Variants in CTBP2 observed in about 807,000 individuals in gnomAD.
CTBP2 encodes the protein C-terminal binding protein 2.
In CTBP2, 30 loss-of-function variants were observed where a neutral mutation model predicts 80.3. The ratio of observed to expected loss-of-function variants is 0.37; its 90% CI spans 0.28 to 0.51. CTBP2 has a LOEUF of 0.51. Ranked by LOEUF, CTBP2 falls within the 20% of genes least tolerant of loss-of-function variation. The pLI, the probability that CTBP2 is intolerant of heterozygous loss-of-function variation, is 0.93. For missense variants in CTBP2, 1,212 were observed against 1,375.3 expected (o/e 0.88, Z 1.88); for synonymous variants, 594 against 587.4 (o/e 1.01, Z -0.16).
rs1229671720 is a variant in CTBP2, at chr10:125,066,414, T to C, written c.-101-27259A>G. On this transcript the variant is annotated intron_variant, in intron 2 of 10. Coordinates refer to the CTBP2 transcript ENST00000337195. This position sits in a 1 kb window ranked among gnomAD's most constrained non-coding sequence, Gnocchi z 4.1. ...AGTCAGGTGCATGCACCATGCTAGG[T>C]GAGTGCAGGGCAGGAACGGAAGGCA... Among the ~76,000 whole-genome samples the C allele has an allele frequency of 1.3e-5, 2 of 151,698 alleles. No homozygotes were observed.
At chr10:125,035,785 C>T (rs976986530) in intron 3 of CTBP2, among the ~76,000 whole-genome samples, 2 of 152,182 alleles carry the variant, frequency 1.3e-5, no homozygotes, top group South Asian at 4.1e-4. Context: ...TAAAACCCTC[C>T]AGCTGGTGCA....
intron 2 of CTBP2, among the ~76,000 whole-genome samples, chr10:125,064,495 C>T (rs1844329079): frequency 6.6e-6 from 1 of 152,104 alleles, no homozygotes; most frequent in African/African-American, 2.4e-5. Context: ...AATAGCAGTT[C>T]TACTTCTCAA....
At chr10:125,158,414 C>T (rs889330778) in intron 1 of CTBP2, among the ~76,000 whole-genome samples, 8 of 152,128 alleles carry the variant, frequency 5.3e-5, no homozygotes, top group African/African-American at 1.9e-4. Flanking sequence ...AATATAACGT[C>T]CCCTCAAAAT....
intron 2 of CTBP2, among the ~76,000 whole-genome samples, chr10:125,097,892 G>A (rs577370512): frequency 6.6e-6 from 1 of 152,240 alleles, no homozygotes; most frequent in African/African-American, 2.4e-5. Flanking sequence ...CAAGGCAGGT[G>A]GATCATGCAG....
intron 1 of CTBP2, among the ~76,000 whole-genome samples, chr10:125,130,894 C>T (rs1410393728): frequency 6.6e-6 from 1 of 152,210 alleles, no homozygotes; most frequent in Non-Finnish European, 1.5e-5. Context: ...AAAGGGCTCG[C>T]TGTCCAAGCT....
chr10:125,144,908 G>T (rs1298300777), intron 1 of CTBP2, among the ~76,000 whole-genome samples: 1 of 152,158 alleles, frequency 6.6e-6, no homozygotes, highest in Non-Finnish European at 1.5e-5. Context: ...ACTGCTGCCC[G>T]GTCAAGAGTG....
At chr10:125,090,283 C>T (rs1169656089) in intron 2 of CTBP2, among the ~76,000 whole-genome samples, 2 of 63,912 alleles carry the variant, frequency 3.1e-5, no homozygotes, top group East Asian at 2.1e-4. Flanking sequence ...GAGTCCCTGG[C>T]TCAAAAAAAA....
chr10:125,027,196 C>T lies in CTBP2; in HGVS notation c.564G>A (p.Arg188=). 1 of 1,609,366 alleles carries T rather than the reference C, an allele frequency of 6.2e-7. No individual in the cohort carries two copies. The highest frequency in any genetic ancestry group is 8.5e-7 in the Non-Finnish European group (1 of 1,176,622). Residue 188 remains arginine, a synonymous_variant, in exon 1 of 9, where the codon CGG becomes CGA. Coordinates refer to ENST00000309035, the MANE Select transcript of CTBP2 (RefSeq NM_022802.3). ...TGGTGTCGGGCTGCTCCCGTCCATA[C>T]CGCCCGGGAGATGCAGCCCTGCTCT...
intron 2 of CTBP2, among the ~76,000 whole-genome samples, chr10:125,062,925 C>T (rs1844035141): frequency 6.6e-6 from 1 of 152,186 alleles, no homozygotes. Flanking sequence ...TGCTGTGCAC[C>T]CGTTTTCCTA....
At chr10:125,059,123 A>G in intron 2 of CTBP2, among the ~76,000 whole-genome samples, 1 of 152,102 alleles carries the variant, frequency 6.6e-6, no homozygotes, top group East Asian at 1.9e-4. Flanking sequence ...TGCTGGTGCT[A>G]AACAAAGTGT....
At chr10:124,993,369 C>A in intron 6 of CTBP2, 40 bp from the exon 9 acceptor site, 1 of 1,585,568 alleles carries the variant, frequency 6.3e-7, no homozygotes, top group South Asian at 1.1e-5. Context: ...CGGGAAATGT[C>A]GCATACGCTC....
At chr10:125,006,688 C>T (rs1171853500) in intron 1 of CTBP2, among the ~76,000 whole-genome samples, 1 of 152,186 alleles carries the variant, frequency 6.6e-6, no homozygotes, top group Non-Finnish European at 1.5e-5. Flanking sequence ...ACCATTTGAG[C>T]AAGTTTTTAA....
intron 1 of CTBP2, among the ~76,000 whole-genome samples, chr10:125,019,368 C>T (rs1238812015): frequency 6.6e-6 from 1 of 152,086 alleles, no homozygotes; most frequent in Non-Finnish European, 1.5e-5. Context: ...AGCAAGGAAT[C>T]TGTGAAAAAG....
rs375701575 is a variant in CTBP2, at chr10:125,059,439, G to A, written c.-101-20284C>T. ...CTACTTAAAATACAAAAAATTAGCCGGGTGTGGTGGTGCACGCCTGTAATC... is the reference window on the plus strand; with the variant it reads ...CTACTTAAAATACAAAAAATTAGCCAGGTGTGGTGGTGCACGCCTGTAATC... On this transcript the variant is annotated intron_variant, in intron 2 of 10. Transcript: ENST00000337195. Among the ~76,000 whole-genome samples, 23 of 152,052 alleles carry A rather than the reference G, an allele frequency of 1.5e-4. No individual in the cohort carries two copies. The South Asian group carries it at 4.2e-3, about 27-fold the overall frequency.
At chr10:125,035,834 G>A (rs1958798815) in intron 3 of CTBP2, among the ~76,000 whole-genome samples, 1 of 152,186 alleles carries the variant, frequency 6.6e-6, no homozygotes, top group Admixed American at 6.5e-5. Flanking sequence ...TAAACAGATA[G>A]GAAGATCTCC....
chr10:125,086,051 C>A (rs2135612661), intron 2 of CTBP2, among the ~76,000 whole-genome samples: 2 of 152,352 alleles, frequency 1.3e-5, no homozygotes, highest in South Asian at 4.1e-4. Context: ...GAGAACCACT[C>A]CCTGTGTTCT....
chr10:125,146,685 C>A (rs1380858232), intron 1 of CTBP2, among the ~76,000 whole-genome samples: 1 of 152,142 alleles, frequency 6.6e-6, no homozygotes, highest in Non-Finnish European at 1.5e-5. Flanking sequence ...GCCGGACAGG[C>A]ACCTTCCTTA....
At chr10:125,039,700 C>T (rs1380095455) in intron 2 of CTBP2, among the ~76,000 whole-genome samples, 1 of 152,190 alleles carries the variant, frequency 6.6e-6, no homozygotes, top group South Asian at 2.1e-4. Flanking sequence ...CGTGAGAACG[C>T]GGGTGGGAAG....
chr10:125,050,194 C>G (rs751181861), intron 2 of CTBP2, among the ~76,000 whole-genome samples: 3 of 152,192 alleles, frequency 2.0e-5, no homozygotes, highest in Non-Finnish European at 4.4e-5. Flanking sequence ...TAATGCGTCT[C>G]TATCACCAAA....
Sources: gnomAD v4.1 joint callset for allele counts (sites outside exome capture counted in the v4.1 genomes callset) on GRCh38, gnomAD v4.1.1 for gene constraint, Gnocchi (gnomAD v3.1) non-coding constraint, MANE v1.5 for transcripts, NCBI Gene and HGNC (gene_info 2026-07-23, HGNC 2026-07-21) for gene names.